Variants in NPAS3 observed in about 807,000 individuals in gnomAD.
NPAS3 encodes the protein neuronal PAS domain protein 3.
A neutral mutation model predicts 73.1 loss-of-function variants in NPAS3; 14 were observed. The ratio of observed to expected loss-of-function variants is 0.19; its 90% confidence interval spans 0.13 to 0.30. The LOEUF is 0.30. Among genes scored for constraint, NPAS3 ranks in the 10% least tolerant of loss-of-function variants. The probability of loss-of-function intolerance (pLI) is 1.00; values close to 1 mark genes in which losing one functional copy is unlikely to be tolerated. For missense variants in NPAS3, 1,096 were observed against 1,250.0 expected, an observed-to-expected ratio of 0.88 and a Z score of 1.86; for synonymous variants, 620 against 541.5, an observed-to-expected ratio of 1.14 and a Z score of -2.01.
chr14:33,183,435 T>G (rs1173115662), intron 2 of NPAS3, among the ~76,000 whole-genome samples: 11 of 79,256 alleles, frequency 1.4e-4, no homozygotes, highest in Admixed American at 1.8e-4. Flanking sequence ...TTTTTTTTTT[T>G]TTTTTTTTTT....
intron 6 of NPAS3, among the ~76,000 whole-genome samples, chr14:33,696,449 G>A (rs1040645572): frequency 3.9e-5 from 6 of 152,154 alleles, no homozygotes; most frequent in Admixed American, 6.5e-5. Context: ...TAATAAACAC[G>A]AGAGTGCTTC....
At chr14:33,135,255 G>A (rs1044421155) in intron 2 of NPAS3, among the ~76,000 whole-genome samples, 5 of 152,078 alleles carry the variant, frequency 3.3e-5, no homozygotes, top group Non-Finnish European at 7.4e-5. Flanking sequence ...TCGTAAATTC[G>A]GACAAACCAA....
intron 2 of NPAS3, among the ~76,000 whole-genome samples, chr14:33,182,291 A>C (rs968518274): frequency 6.6e-6 from 1 of 152,246 alleles, no homozygotes; most frequent in Non-Finnish European, 1.5e-5. Flanking sequence ...TTCAACAAAC[A>C]TAGTAGTATG....
intron 1 of NPAS3, among the ~76,000 whole-genome samples, chr14:33,001,512 C>T (rs1438692289): frequency 1.3e-5 from 2 of 152,094 alleles, no homozygotes; most frequent in African/African-American, 2.4e-5. Flanking sequence ...ATGGAGCTTA[C>T]GTGCCCTGCC....
At chr14:33,600,104 A>T (rs1046364185) in intron 5 of NPAS3, among the ~76,000 whole-genome samples, 3 of 152,186 alleles carry the variant, frequency 2.0e-5, no homozygotes, top group African/African-American at 7.2e-5. Context: ...ACAAATCTAG[A>T]TGTTTTGTTC....
At chr14:33,658,840 G>C (rs1451064354) in intron 5 of NPAS3, among the ~76,000 whole-genome samples, 1 of 152,104 alleles carries the variant, frequency 6.6e-6, no homozygotes, top group East Asian at 1.9e-4. Context: ...GAATCAAGTT[G>C]AAGTGGTTTT....
intron 1 of NPAS3, among the ~76,000 whole-genome samples, chr14:32,961,434 A>G (rs543736088): frequency 6.6e-6 from 1 of 152,102 alleles, no homozygotes; most frequent in Non-Finnish European, 1.5e-5. Context: ...AAGAAAAAAA[A>G]AATTGAATTC....
chr14:33,204,993 A>G (rs1425764256), intron 2 of NPAS3, among the ~76,000 whole-genome samples: 1 of 152,196 alleles, frequency 6.6e-6, no homozygotes, highest in South Asian at 2.1e-4. Flanking sequence ...CCAATAAATT[A>G]TATTTTCATT....
chr14:33,200,819 G>C (rs1221296931), intron 2 of NPAS3, among the ~76,000 whole-genome samples: 1 of 152,056 alleles, frequency 6.6e-6, no homozygotes, highest in African/African-American at 2.4e-5. Context: ...TTTTCCACAG[G>C]ACCCACTATT....
intron 4 of NPAS3, among the ~76,000 whole-genome samples, chr14:33,557,535 C>T (rs2055415290): frequency 6.6e-6 from 1 of 152,146 alleles, no homozygotes; most frequent in Non-Finnish European, 1.5e-5. Flanking sequence ...TTACACATGT[C>T]AATTAGAGAA....
intron 1 of NPAS3, among the ~76,000 whole-genome samples, chr14:32,979,358 C>T (rs968615115): frequency 1.3e-5 from 2 of 152,126 alleles, no homozygotes; most frequent in Admixed American, 1.3e-4. Flanking sequence ...TTAGAATTTA[C>T]AGTTACTTAG....
At chr14:33,110,420 A>G (rs984554469) in intron 2 of NPAS3, among the ~76,000 whole-genome samples, 2 of 152,208 alleles carry the variant, frequency 1.3e-5, no homozygotes, top group Non-Finnish European at 2.9e-5. Flanking sequence ...AGTTTTTACA[A>G]TAGGACTTCT....
intron 4 of NPAS3, among the ~76,000 whole-genome samples, chr14:33,521,298 TC>T: frequency 6.6e-6 from 1 of 152,244 alleles, no homozygotes; most frequent in African/African-American, 2.4e-5. Flanking sequence ...GACTGATGTC[TC>T]CTTTAACAGC....
chr14:33,626,478 T>G (rs189763385), intron 5 of NPAS3, among the ~76,000 whole-genome samples: 92 of 152,310 alleles, frequency 6.0e-4, no homozygotes, highest in African/African-American at 2.1e-3. Context: ...CAATTAATAC[T>G]TAACACCTTT....
intron 7 of NPAS3, among the ~76,000 whole-genome samples, chr14:33,743,473 G>T (rs190758528): frequency 1.7e-3 from 256 of 152,266 alleles, no homozygotes; most frequent in African/African-American, 5.8e-3. Flanking sequence ...CAGATGTGCT[G>T]TCATCCAGGC....
intron 1 of NPAS3, among the ~76,000 whole-genome samples, chr14:33,013,821 G>A (rs2039296965): frequency 6.6e-6 from 1 of 152,016 alleles, no homozygotes; most frequent in Admixed American, 6.5e-5. Context: ...ATTTGGGTAT[G>A]TGTCAGTTAC....
chr14:33,208,898 G>A (rs2046928114), intron 2 of NPAS3, among the ~76,000 whole-genome samples: 1 of 152,150 alleles, frequency 6.6e-6, no homozygotes, highest in Non-Finnish European at 1.5e-5. Context: ...CTGCAGTGAT[G>A]ATCTACAGCA....
intron 3 of NPAS3, among the ~76,000 whole-genome samples, chr14:33,299,797 A>G (rs56962758): frequency 0.072 from 10,967 of 152,170 alleles, 1,036 homozygotes; most frequent in African/African-American, 0.21. Context: ...TAAGGTTTAG[A>G]AAAATATTTG....
intron 5 of NPAS3, among the ~76,000 whole-genome samples, chr14:33,644,937 C>T (rs768120276): frequency 6.6e-6 from 1 of 151,820 alleles, no homozygotes; most frequent in Non-Finnish European, 1.5e-5. Context: ...AAAATTTATC[C>T]AGGTGTGGTG....
Sources: gnomAD v4.1 joint callset for allele counts (sites outside exome capture counted in the v4.1 genomes callset) on GRCh38, gnomAD v4.1.1 for gene constraint, MANE v1.5 for transcripts, NCBI Gene and HGNC (gene_info 2026-07-23, HGNC 2026-07-21) for gene names.